Variants in SUMF1 observed in about 807,000 individuals in gnomAD.
The protein encoded by SUMF1 is sulfatase modifying factor 1.
Under a neutral mutation model 47.6 loss-of-function variants are expected in SUMF1, and 48 were observed. That is an observed-to-expected ratio of 1.01 (90% confidence interval 0.80 to 1.28). SUMF1 has a LOEUF of 1.28. Among genes scored for constraint, SUMF1 ranks in the 50% most tolerant of loss-of-function variants. SUMF1 has a pLI of 0.00. For missense variants in SUMF1, 571 were observed against 485.4 expected (o/e 1.18, Z -1.66); for synonymous variants, 230 against 192.1 (o/e 1.20, Z -1.63).
intron 8 of SUMF1, among the ~76,000 whole-genome samples, chr3:4,188,244 T>C (rs1319844): frequency 0.36 from 54,707 of 151,274 alleles, 10,226 homozygotes; most frequent in African/African-American, 0.44. Context: ...GGGGTAATCT[T>C]GGCTCACTGC....
At chr3:4,065,331 T>C (rs1193094430) in intron 9 of SUMF1, among the ~76,000 whole-genome samples, 2 of 152,116 alleles carry the variant, frequency 1.3e-5, no homozygotes, top group African/African-American at 4.8e-5. Context: ...GAATGGGAAA[T>C]CTAAAACCAA....
intron 8 of SUMF1, among the ~76,000 whole-genome samples, chr3:4,280,191 C>A (rs563753131): frequency 7.9e-5 from 12 of 152,032 alleles, no homozygotes; most frequent in Admixed American, 2.0e-4. Context: ...TCATGTTGTA[C>A]ATAATATATA....
At chr3:4,148,570 G>T (rs1426560169) in intron 8 of SUMF1, among the ~76,000 whole-genome samples, 1 of 152,106 alleles carries the variant, frequency 6.6e-6, no homozygotes, top group Non-Finnish European at 1.5e-5. Flanking sequence ...TTCCTGTGAT[G>T]GACAGGACAA....
intron 8 of SUMF1, among the ~76,000 whole-genome samples, chr3:4,244,884 G>A (rs1451929740): frequency 1.3e-5 from 2 of 152,060 alleles, no homozygotes; most frequent in East Asian, 3.9e-4. Context: ...GTCAAACATA[G>A]ATTTGGTCTT....
chr3:4,163,333 TGAGA>T (rs977359677), intron 8 of SUMF1, among the ~76,000 whole-genome samples: 1 of 103,224 alleles, frequency 9.7e-6, no homozygotes, highest in African/African-American at 3.6e-5. Context: ...TTCATGCAGA[TGAGA>T]GAGAGAGAGA....
chr3:4,222,701 T>TGATG (rs1481522853), intron 8 of SUMF1, among the ~76,000 whole-genome samples: 1 of 152,056 alleles, frequency 6.6e-6, no homozygotes, highest in Admixed American at 6.6e-5. Context: ...AGGTTCACTG[T>TGATG]GAAAAGTGAA....
chr3:4,223,108 T>C (rs1016743673), intron 8 of SUMF1, among the ~76,000 whole-genome samples: 6 of 152,136 alleles, frequency 3.9e-5, no homozygotes, highest in African/African-American at 1.4e-4. Context: ...AACAAAGATA[T>C]ACCTTTTTAA....
chr3:4,405,025 G>C (rs1019737381), intron 7 of SUMF1, among the ~76,000 whole-genome samples: 7 of 152,178 alleles, frequency 4.6e-5, no homozygotes, highest in African/African-American at 1.7e-4. Flanking sequence ...GGATCAGGAG[G>C]CAAGCTAAGT....
rs186504356 is a variant in SUMF1, at chr3:4,123,248, A to C, written c.1015-54503T>G. Reference sequence around the variant, plus strand: ...GTTAGTTGAGAACTAAATCTTCAGCATGAGGACCGGTGTGTGGGAGTGATA... The same window carrying C: ...GTTAGTTGAGAACTAAATCTTCAGCCTGAGGACCGGTGTGTGGGAGTGATA... On this transcript the variant is annotated intron_variant and NMD_transcript_variant, in intron 8 of 12. Coordinates refer to the SUMF1 transcript ENST00000448413. 2.6e-5 allele frequency among the ~76,000 whole-genome samples: 4 copies of C among 152,310 alleles called. No individual in the cohort carries two copies. In the East Asian group the frequency reaches 7.7e-4, roughly 29 times the overall value.
chr3:4,082,362 G>C (rs564120377), intron 8 of SUMF1, among the ~76,000 whole-genome samples: 3 of 152,002 alleles, frequency 2.0e-5, no homozygotes, highest in Non-Finnish European at 2.9e-5. Context: ...CCAGCTACTC[G>C]AGAGGCTGAA....
At chr3:4,237,641 T>G (rs942000287) in intron 8 of SUMF1, among the ~76,000 whole-genome samples, 2 of 152,152 alleles carry the variant, frequency 1.3e-5, no homozygotes, top group Admixed American at 6.6e-5. Flanking sequence ...GCAGTACAAC[T>G]TATCAATTGT....
At chr3:4,048,771 T>C (rs182696137) in intron 9 of SUMF1, among the ~76,000 whole-genome samples, 2 of 152,320 alleles carry the variant, frequency 1.3e-5, no homozygotes, top group Admixed American at 1.3e-4. Flanking sequence ...GTACATTTCA[T>C]TGCATACATT....
chr3:4,186,156 C>T (rs1270325692), intron 8 of SUMF1, among the ~76,000 whole-genome samples: 1 of 152,046 alleles, frequency 6.6e-6, no homozygotes, highest in Non-Finnish European at 1.5e-5. Flanking sequence ...ATCCTTGGTA[C>T]CAAGACATAA....
chr3:4,372,881 C>T (rs943144404), intron 8 of SUMF1, among the ~76,000 whole-genome samples: 12 of 152,278 alleles, frequency 7.9e-5, no homozygotes, highest in Non-Finnish European at 1.8e-4. Context: ...TTTTCCTAAC[C>T]TTACAGATAT....
At chr3:4,266,218 T>C (rs1006988737) in intron 8 of SUMF1, among the ~76,000 whole-genome samples, 4 of 152,216 alleles carry the variant, frequency 2.6e-5, no homozygotes, top group African/African-American at 9.6e-5. Flanking sequence ...CACGGGCTCT[T>C]TTTTGGTTCC....
intron 1 of SUMF1, among the ~76,000 whole-genome samples, chr3:4,455,395 A>G (rs1054251419): frequency 6.6e-5 from 10 of 152,230 alleles, no homozygotes; most frequent in South Asian, 2.1e-4. Flanking sequence ...GAACAGACTG[A>G]TAACAAATAA....
intron 8 of SUMF1, among the ~76,000 whole-genome samples, chr3:4,147,803 C>A (rs187547858): frequency 2.4e-4 from 37 of 152,220 alleles, no homozygotes; most frequent in African/African-American, 7.9e-4. Context: ...ATGATCATAT[C>A]AATCGGAGAT....
intron 8 of SUMF1, among the ~76,000 whole-genome samples, chr3:4,181,417 G>T (rs1032635354): frequency 3.3e-5 from 5 of 152,118 alleles, no homozygotes; most frequent in African/African-American, 1.2e-4. Context: ...TGAAGCTGAA[G>T]AAGCAATAGA....
chr3:4,293,300 C>G (rs1697777036), intron 8 of SUMF1, among the ~76,000 whole-genome samples: 1 of 152,082 alleles, frequency 6.6e-6, no homozygotes, highest in Non-Finnish European at 1.5e-5. Context: ...TCCACTGTTG[C>G]AAAGAAAGCT....
Sources: gnomAD v4.1 joint callset for allele counts (sites outside exome capture counted in the v4.1 genomes callset) on GRCh38, gnomAD v4.1.1 for gene constraint, MANE v1.5 for transcripts, NCBI Gene and HGNC (gene_info 2026-07-23, HGNC 2026-07-21) for gene names.